Variants in INPP4B observed in about 807,000 individuals in gnomAD.
INPP4B encodes inositol polyphosphate-4-phosphatase type II B.
Under a neutral mutation model 122.5 loss-of-function variants are expected in INPP4B, and 55 were observed. That is an observed-to-expected ratio of 0.45 (90% CI 0.36 to 0.56). The LOEUF is 0.56. INPP4B is among the 20% of genes least tolerant of loss of function. The probability of loss-of-function intolerance (pLI) is 0.00; values close to 1 mark genes in which losing one functional copy is unlikely to be tolerated. For synonymous variants in INPP4B, 403 were observed against 388.7 expected, an observed-to-expected ratio of 1.04 and a Z score of -0.43; for missense variants, 1,000 against 1,097.7, an observed-to-expected ratio of 0.91 and a Z score of 1.26.
At chr4:142,710,437 C>T (rs1391979305) in intron 2 of INPP4B, among the ~76,000 whole-genome samples, 6 of 152,054 alleles carry the variant, frequency 3.9e-5, no homozygotes, top group Admixed American at 3.3e-4. Context: ...TCCCTGATTG[C>T]TACATATGAT....
intron 14 of INPP4B, 34 bp from the exon 15 acceptor site, chr4:142,193,229 T>C (rs1354431934): frequency 1.6e-6 from 2 of 1,243,008 alleles, no homozygotes; most frequent in East Asian, 2.3e-5. Flanking sequence ...ATGAACACTT[T>C]GCAAACATTT....
chr4:142,049,554 A>T (rs1448610288), intron 25 of INPP4B, among the ~76,000 whole-genome samples: 2 of 152,050 alleles, frequency 1.3e-5, no homozygotes, highest in African/African-American at 2.4e-5. Context: ...GCAAGTAGTT[A>T]TCTATGACTG....
chr4:142,410,815 A>C (rs564473029), intron 5 of INPP4B, among the ~76,000 whole-genome samples: 1 of 152,214 alleles, frequency 6.6e-6, no homozygotes, highest in Non-Finnish European at 1.5e-5. Flanking sequence ...TATTGACATT[A>C]ATATATAGTT....
intron 11 of INPP4B, among the ~76,000 whole-genome samples, chr4:142,258,680 C>T (rs1436611305): frequency 3.3e-5 from 5 of 152,094 alleles, no homozygotes; most frequent in African/African-American, 9.6e-5. Flanking sequence ...GTTAGAATGG[C>T]GATCATTAAA....
intron 23 of INPP4B, among the ~76,000 whole-genome samples, chr4:142,100,600 A>G (rs1253931486): frequency 1.3e-5 from 2 of 152,090 alleles, no homozygotes; most frequent in African/African-American, 4.8e-5. Flanking sequence ...TTATTTTTTA[A>G]TTTTACCTCA....
chr4:142,552,948 G>A (rs567758288), intron 2 of INPP4B, among the ~76,000 whole-genome samples: 1 of 152,238 alleles, frequency 6.6e-6, no homozygotes, highest in South Asian at 2.1e-4. Flanking sequence ...AATAGCTTTT[G>A]TTTTGGAGAT....
chr4:142,436,367 T>C (rs974369640), intron 3 of INPP4B, among the ~76,000 whole-genome samples: 4 of 152,170 alleles, frequency 2.6e-5, no homozygotes, highest in Non-Finnish European at 4.4e-5. Flanking sequence ...AAGAGCAGGT[T>C]TCCCTCCAGT....
chr4:142,255,413 T>G (rs189947596), intron 11 of INPP4B, among the ~76,000 whole-genome samples: 1 of 152,008 alleles, frequency 6.6e-6, no homozygotes, highest in Non-Finnish European at 1.5e-5. Flanking sequence ...CACTGGCAAA[T>G]TGGATAAAGA....
intron 23 of INPP4B, among the ~76,000 whole-genome samples, chr4:142,096,913 C>T (rs1782062244): frequency 6.6e-6 from 1 of 152,090 alleles, no homozygotes; most frequent in African/African-American, 2.4e-5. Context: ...TTTAGTCTCT[C>T]TTCTCCTGCC....
chr4:142,656,647 ACT>A (rs1327855978), intron 2 of INPP4B, among the ~76,000 whole-genome samples: 1 of 152,078 alleles, frequency 6.6e-6, no homozygotes. Flanking sequence ...AAGGGGTGTA[ACT>A]CTATTGGACA....
At chr4:142,107,207 A>AT (rs1038532568) in intron 23 of INPP4B, among the ~76,000 whole-genome samples, 1 of 152,132 alleles carries the variant, frequency 6.6e-6, no homozygotes, top group African/African-American at 2.4e-5. Context: ...CAATATTTGG[A>AT]TACCACATTC....
At chr4:142,274,921 A>G (rs1747678117) in intron 9 of INPP4B, among the ~76,000 whole-genome samples, 1 of 151,868 alleles carries the variant, frequency 6.6e-6, no homozygotes, top group Non-Finnish European at 1.5e-5. Flanking sequence ...TCTTTCCCTC[A>G]GAAGATAGAC....
At chr4:142,823,064 C>T (rs572325246) in intron 1 of INPP4B, among the ~76,000 whole-genome samples, 17 of 152,150 alleles carry the variant, frequency 1.1e-4, no homozygotes, top group African/African-American at 3.9e-4. Context: ...GACACACTGG[C>T]AGTAAAATGC....
At chr4:142,290,816 C>A (rs1289801283) in intron 9 of INPP4B, among the ~76,000 whole-genome samples, 1 of 152,128 alleles carries the variant, frequency 6.6e-6, no homozygotes, top group Non-Finnish European at 1.5e-5. Context: ...AGGCATCAAA[C>A]AACCTGGAGC....
At chr4:142,467,436 T>C (rs1312487224) in intron 2 of INPP4B, among the ~76,000 whole-genome samples, 3 of 152,188 alleles carry the variant, frequency 2.0e-5, no homozygotes, top group East Asian at 1.9e-4. Flanking sequence ...GTGGGGCCTA[T>C]TGCCCCCCTT....
intron 2 of INPP4B, among the ~76,000 whole-genome samples, chr4:142,635,564 G>A (rs1259674638): frequency 1.3e-5 from 2 of 152,152 alleles, no homozygotes; most frequent in African/African-American, 4.8e-5. Flanking sequence ...TGGGAACATG[G>A]ATGGAGCTAG....
chr4:142,730,705 G>A (rs570982427), intron 1 of INPP4B, among the ~76,000 whole-genome samples: 8 of 152,180 alleles, frequency 5.3e-5, no homozygotes, highest in South Asian at 2.1e-4. Flanking sequence ...TTGTGCTGTC[G>A]TGTCTCCACA....
At chr4:142,235,908 G>A (rs998188058) in intron 12 of INPP4B, among the ~76,000 whole-genome samples, 1 of 152,088 alleles carries the variant, frequency 6.6e-6, no homozygotes, top group East Asian at 1.9e-4. Flanking sequence ...TCTTTTCTTT[G>A]TGTGGTGAAC....
In INPP4B at chr4:142,263,639, A is replaced by AATATATATATATATATAT. The variant is rs36227189; in HGVS notation, c.616-3093_616-3076dup. Among the ~76,000 whole-genome samples the AATATATATATATATATAT allele has an allele frequency of 1.1e-3, 47 of 41,820 alleles. 4 individuals are homozygous for AATATATATATATATATAT. Among genetic ancestry groups the AATATATATATATATATAT allele is most frequent in the African/African-American group, 1.5e-3 (27 of 17,726 alleles). The allele number at this position is 41,820 out of a possible 152,430, so 27.4% of individuals were successfully genotyped here. On this transcript the variant is annotated intron_variant, in intron 10 of 25. Transcript: ENST00000262992. ...GACCACAAATGAGATAAATTCGTAA[A>AATATATATATATATATAT]ATATATATATATATATATATATATA...
Sources: allele counts gnomAD v4.1 joint callset (sites outside exome capture counted in the v4.1 genomes callset), GRCh38; gene constraint gnomAD v4.1.1; transcripts MANE v1.5; gene names NCBI Gene and HGNC (gene_info 2026-07-23, HGNC 2026-07-21).